The following SLC39A10 variants were observed in gnomAD, a reference collection of about 807,000 sequenced individuals.
SLC39A10 encodes the protein solute carrier family 39 member 10, also known as zinc transporter ZIP10.
SLC39A10 carries 13 observed loss-of-function variants against 65.1 expected under a neutral mutation model. The ratio of observed to expected loss-of-function variants is 0.20; its 90% CI spans 0.13 to 0.32. The LOEUF is 0.32. Among genes scored for constraint, SLC39A10 ranks in the 10% least tolerant of loss-of-function variants. SLC39A10 has a pLI of 1.00. For synonymous variants in SLC39A10, 321 were observed against 342.2 expected (o/e 0.94, Z 0.68); for missense variants, 831 against 1,018.4 (o/e 0.82, Z 2.50).
intron 8 of SLC39A10, among the ~76,000 whole-genome samples, 197 bp downstream of exon 8, chr2:195,718,529 T>A (rs939035341): frequency 3.9e-5 from 6 of 152,198 alleles, no homozygotes; most frequent in African/African-American, 1.4e-4. Context: ...TGTTCATTTC[T>A]GTGTGGTTTC....
In SLC39A10 at chr2:195,731,437, A is replaced by G. The variant is rs1259047290; in HGVS notation, c.2337+3088A>G. Among the ~76,000 whole-genome samples, 8 of 152,244 alleles carry G rather than the reference A, an allele frequency of 5.3e-5. No homozygotes were observed. The East Asian group carries it at 1.2e-3, about 22-fold the overall frequency. ...CTCCTTTGTACGTGTATCTCAACCTATTAACACCATTTTACTTATTTATCG... is the reference window on the plus strand; with the variant it reads ...CTCCTTTGTACGTGTATCTCAACCTGTTAACACCATTTTACTTATTTATCG... On this transcript the variant is annotated intron_variant, in intron 9 of 9. Transcript: ENST00000359634.
chr2:195,655,165 C>G (rs1689120156), upstream of SLC39A10, among the ~76,000 whole-genome samples: 1 of 152,172 alleles, frequency 6.6e-6, no homozygotes, highest in Non-Finnish European at 1.5e-5. Flanking sequence ...TATTAACCCA[C>G]TAGTTCCTAA....
chr2:195,628,834 A>G (rs1688523674), intron 2 of SLC39A10, among the ~76,000 whole-genome samples: 2 of 152,326 alleles, frequency 1.3e-5, no homozygotes, highest in African/African-American at 2.4e-5. Flanking sequence ...CCAGTCCTAC[A>G]GTTTCAAATG....
chr2:195,656,352 T>A (rs1190749308), upstream of SLC39A10, among the ~76,000 whole-genome samples: 1 of 152,096 alleles, frequency 6.6e-6, no homozygotes, highest in African/African-American at 2.4e-5. Context: ...AGATGGGATG[T>A]ATGGCGTGAG....
At chr2:195,698,916 A>G (rs565981159) in intron 3 of SLC39A10, among the ~76,000 whole-genome samples, 1 of 151,994 alleles carries the variant, frequency 6.6e-6, no homozygotes, top group Admixed American at 6.5e-5. Flanking sequence ...TGTTAGGTAG[A>G]ATTTATCAGG....
intron 8 of SLC39A10, among the ~76,000 whole-genome samples, chr2:195,721,024 C>G (rs1015455345): frequency 1.3e-5 from 2 of 152,182 alleles, no homozygotes; most frequent in Non-Finnish European, 2.9e-5. Flanking sequence ...TTAGTGCAGC[C>G]TTGACCTCCT....
intron 2 of SLC39A10, among the ~76,000 whole-genome samples, chr2:195,634,771 G>GCA (rs1688663822): frequency 6.6e-6 from 1 of 152,162 alleles, no homozygotes; most frequent in Admixed American, 6.5e-5. Context: ...CCTCAGGCCA[G>GCA]GTGTGGTGGC....
At chr2:195,709,990 G>C (rs764454358) in intron 5 of SLC39A10, among the ~76,000 whole-genome samples, 1 of 152,080 alleles carries the variant, frequency 6.6e-6, no homozygotes, top group African/African-American at 2.4e-5. Context: ...AGGGGGCTTT[G>C]TAGGAAGAAA....
intron 2 of SLC39A10, among the ~76,000 whole-genome samples, chr2:195,619,540 C>G (rs1466788197): frequency 1.3e-5 from 2 of 152,082 alleles, no homozygotes; most frequent in Non-Finnish European, 1.5e-5. Context: ...ATGTGCCTAG[C>G]TATGGTGTGT....
At position 195,728,402 on chromosome 2, in the gene SLC39A10, C is replaced by G; in HGVS notation, c.2337+53C>G. 2 of 1,515,038 alleles carry G rather than the reference C, an allele frequency of 1.3e-6. No homozygotes were observed. Among genetic ancestry groups the G allele is most frequent in the Non-Finnish European group, 1.8e-6 (2 of 1,115,968 alleles). The allele number at this position is 1,515,038 out of a possible 1,614,324, so 93.8% of individuals were successfully genotyped here. A position where few individuals can be genotyped will look rare whatever the true frequency, so the allele number is the denominator to read the frequency against. On this transcript the variant is annotated intron_variant, in intron 9 of 9. Coordinates refer to ENST00000359634, the MANE Select transcript of SLC39A10 (RefSeq NM_020342.3). This position sits in a 1 kb window ranked among gnomAD's most constrained non-coding sequence, Gnocchi z 4.4. ...ACTAAACCTGCAAATGAAAGAAATCCTTGGAAGTGGTTTGAAGCCAAACTA... is the reference window on the plus strand; with the variant it reads ...ACTAAACCTGCAAATGAAAGAAATCGTTGGAAGTGGTTTGAAGCCAAACTA...
chr2:195,733,222 G>A (rs912656527), intron 9 of SLC39A10, among the ~76,000 whole-genome samples: 1 of 152,150 alleles, frequency 6.6e-6, no homozygotes, highest in African/African-American at 2.4e-5. Context: ...CCAAGATACT[G>A]TTTTGGAGCA....
chr2:195,638,206 T>C (rs1688731422), intron 2 of SLC39A10, among the ~76,000 whole-genome samples: 1 of 152,168 alleles, frequency 6.6e-6, no homozygotes, highest in South Asian at 2.1e-4. Flanking sequence ...TTGTCCAGGC[T>C]GATCTCAAAC....
At chr2:195,703,397 G>T (rs564703781) in intron 3 of SLC39A10, among the ~76,000 whole-genome samples, 1 of 152,126 alleles carries the variant, frequency 6.6e-6, no homozygotes, top group East Asian at 1.9e-4. Flanking sequence ...ATTTCCAGTT[G>T]TGCCCTCTAT....
chr2:195,717,163 G>A, intron 7 of SLC39A10, 158 bp downstream of exon 7: 1 of 913,070 alleles, frequency 1.1e-6, no homozygotes, highest in Non-Finnish European at 1.6e-6. Flanking sequence ...TACATTTGGA[G>A]GTGTAAGGGT....
chr2:195,619,207 G>C (rs1387406025), intron 2 of SLC39A10, among the ~76,000 whole-genome samples: 2 of 151,876 alleles, frequency 1.3e-5, no homozygotes, highest in Non-Finnish European at 2.9e-5. Context: ...CTGAAGACCT[G>C]AACTTAGGTA....
intron 8 of SLC39A10, among the ~76,000 whole-genome samples, chr2:195,719,318 C>T (rs1574310605): frequency 1.3e-5 from 2 of 152,162 alleles, no homozygotes; most frequent in South Asian, 4.2e-4. Context: ...CTCTCCATCC[C>T]GATTACGATG....
chr2:195,653,586 C>T (rs192740368), upstream of SLC39A10, among the ~76,000 whole-genome samples: 1 of 152,310 alleles, frequency 6.6e-6, no homozygotes, highest in African/African-American at 2.4e-5. Context: ...TGAGCCACCA[C>T]ACTCGGCCTG....
intron 3 of SLC39A10, among the ~76,000 whole-genome samples, chr2:195,688,788 T>C (rs962458641): frequency 3.3e-5 from 5 of 152,164 alleles, no homozygotes; most frequent in Admixed American, 2.0e-4. Flanking sequence ...TAATTAACCT[T>C]ACTACTTATG....
At chr2:195,614,633 A>G (rs1202706892) in intron 2 of SLC39A10, among the ~76,000 whole-genome samples, 1 of 152,212 alleles carries the variant, frequency 6.6e-6, no homozygotes, top group Non-Finnish European at 1.5e-5. Context: ...CTTTCACTCT[A>G]AAAGAACTTA....
Sources: allele counts gnomAD v4.1 joint callset (sites outside exome capture counted in the v4.1 genomes callset), GRCh38; gene constraint gnomAD v4.1.1; non-coding constraint Gnocchi (gnomAD v3.1); transcripts MANE v1.5; gene names NCBI Gene and HGNC (gene_info 2026-07-23, HGNC 2026-07-21).